WDR17: variants seen among roughly 807,000 people sequenced by gnomAD.
WDR17 encodes the protein WD repeat-containing protein 17.
In WDR17, 143 loss-of-function variants were observed where a neutral mutation model predicts 161.7. That is an observed-to-expected ratio of 0.88 (90% confidence interval 0.77 to 1.02). WDR17 has a LOEUF of 1.02. WDR17 is among the 50% of genes least tolerant of loss of function. WDR17 has a pLI of 0.00. For synonymous variants in WDR17, 517 were observed against 515.6 expected, an observed-to-expected ratio of 1.00 and a Z score of -0.04; for missense variants, 1,469 against 1,520.9, an observed-to-expected ratio of 0.97 and a Z score of 0.57.
intron 11 of WDR17, 122 bp downstream of exon 11, chr4:176,142,191 G>A (rs995911282): frequency 3.5e-5 from 21 of 608,280 alleles, no homozygotes; most frequent in Non-Finnish European, 4.8e-5. Context: ...TATCCCCTTT[G>A]CCTAGCAAAT....
At chr4:176,100,472 A>G (rs1298954604) in intron 1 of WDR17, among the ~76,000 whole-genome samples, 1 of 152,014 alleles carries the variant, frequency 6.6e-6, no homozygotes, top group East Asian at 1.9e-4. Context: ...TTCTTTGTAT[A>G]TTCTGGATAT....
intron 18 of WDR17, among the ~76,000 whole-genome samples, chr4:176,156,710 T>C (rs988768460): frequency 1.3e-5 from 2 of 150,434 alleles, no homozygotes; most frequent in Non-Finnish European, 3.0e-5. Flanking sequence ...ATAAAATGGG[T>C]GGCCTAAAAC....
At chr4:176,149,980 G>C (rs760403691) in intron 14 of WDR17, 24 bp downstream of exon 14, 24 of 1,610,102 alleles carry the variant, frequency 1.5e-5, no homozygotes, top group South Asian at 2.2e-5. Flanking sequence ...ACATGTATTA[G>C]AGTTTATTTC....
At chr4:176,145,619 C>T (rs1022397790) in intron 11 of WDR17, among the ~76,000 whole-genome samples, 3 of 152,188 alleles carry the variant, frequency 2.0e-5, no homozygotes, top group East Asian at 3.8e-4. Context: ...TGTCATCACT[C>T]ACCATTTGGG....
chr4:176,158,663 GT>G (rs1748536387), intron 18 of WDR17, among the ~76,000 whole-genome samples: 1 of 152,210 alleles, frequency 6.6e-6, no homozygotes, highest in Non-Finnish European at 1.5e-5. Context: ...AGCTGTTTTG[GT>G]AGAAAGAAGG....
Position 176,111,667 on chromosome 4 carries a change from T to C in WDR17, c.87T>C (p.Phe29=). The C allele has an allele frequency of 1.2e-6, 2 of 1,609,344 alleles. No individual in the cohort carries two copies. The highest frequency in any genetic ancestry group is 1.7e-6 in the Non-Finnish European group (2 of 1,177,012). The change falls in exon 2 of 29, where the codon TTT becomes TTC. Residue 29 remains phenylalanine (F), a synonymous_variant. Coordinates refer to ENST00000508596, the MANE Select transcript of WDR17 (RefSeq NM_181265.4). ...KDVCAASGDR[F]AYCATLAIYI... is the part of the protein sequence containing the mutation. ...TATGTGCTGCCAGTGGAGACAGGTT[T>C]GCATATTGTGCGACCCTGGCTATCT... is the stretch of plus-strand genomic sequence containing the variant.
intron 1 of WDR17, among the ~76,000 whole-genome samples, chr4:176,097,489 CT>C (rs991185451): frequency 6.6e-5 from 10 of 151,572 alleles, no homozygotes; most frequent in Middle Eastern, 6.8e-3. Context: ...GCCTTTTGGA[CT>C]TTTTTTTCAG....
At chr4:176,117,823 AT>A (rs1740882326) in intron 3 of WDR17, among the ~76,000 whole-genome samples, 1 of 152,106 alleles carries the variant, frequency 6.6e-6, no homozygotes. Context: ...AAGCTTTGCT[AT>A]TTTATTTGCA....
chr4:176,149,757 A>G (rs767369555), intron 13 of WDR17, 50 bp from the exon 14 acceptor site: 1 of 1,594,854 alleles, frequency 6.3e-7, no homozygotes, highest in Non-Finnish European at 8.5e-7. Context: ...ATAAATAAAA[A>G]ATATTTTTCA....
intron 1 of WDR17, among the ~76,000 whole-genome samples, chr4:176,076,376 T>TC (rs886600426): frequency 1.7e-4 from 2 of 11,896 alleles, no homozygotes; most frequent in Non-Finnish European, 7.8e-3. Context: ...TTAGAGTCTT[T>TC]TTTTAACCCA....
At position 176,151,995 on chromosome 4, in the gene WDR17, G is replaced by C. The variant is rs373785153; in HGVS notation, c.2460+28G>C. 9 of 1,599,908 alleles carry C rather than the reference G, an allele frequency of 5.6e-6. No individual in the cohort carries two copies. The East Asian group carries it at 2.0e-4, about 36-fold the overall frequency. The stretch of plus-strand genomic sequence containing the variant: ...AATGTGCTATGAAAGTAAAACTAAT[G>C]AGTTTAACATAGTAGTCTAAACGTT... On this transcript the variant is annotated intron_variant, in intron 17 of 28. Coordinates refer to ENST00000508596, the MANE Select transcript of WDR17 (RefSeq NM_181265.4).
At chr4:176,165,631 G>A (rs1305681115) in intron 22 of WDR17, among the ~76,000 whole-genome samples, 1 of 152,116 alleles carries the variant, frequency 6.6e-6, no homozygotes, top group Non-Finnish European at 1.5e-5. Flanking sequence ...AATAGAAAAT[G>A]TTATTAAGAA....
chr4:176,101,146 T>G (rs1486418310), intron 1 of WDR17, among the ~76,000 whole-genome samples: 3 of 152,126 alleles, frequency 2.0e-5, no homozygotes, highest in Non-Finnish European at 4.4e-5. Flanking sequence ...AACCTATTTG[T>G]CCAGAGCGTA....
chr4:176,151,802 T>C lies in WDR17; in HGVS notation c.2305-10T>C, dbSNP rs759592301. 7.7e-6 allele frequency: 12 copies of C among 1,549,472 alleles called. No individual in the cohort carries two copies. Among genetic ancestry groups the C allele is most frequent in the Non-Finnish European group, 1.0e-5 (12 of 1,153,822 alleles). ...AATTTTTTTAAATTCTATTTTCTTT[T>C]TAAAACCAGTCTGAAGCTCAAGAAC... is the stretch of plus-strand genomic sequence containing the variant. On this transcript the variant is annotated splice_polypyrimidine_tract_variant and intron_variant, in intron 16 of 28. Transcript: ENST00000508596.
At chr4:176,104,457 T>G (rs1400652400) in intron 1 of WDR17, among the ~76,000 whole-genome samples, 2 of 152,078 alleles carry the variant, frequency 1.3e-5, no homozygotes, top group Non-Finnish European at 2.9e-5. Context: ...ACAAGTAGTA[T>G]TATTGTAACT....
At chr4:176,175,418 A>G (rs1322345465) in intron 26 of WDR17, among the ~76,000 whole-genome samples, 1 of 152,226 alleles carries the variant, frequency 6.6e-6, no homozygotes, top group Non-Finnish European at 1.5e-5. Context: ...TTCTTATACT[A>G]TAAAATAAAA....
chr4:176,172,946 C>T (rs950457760), intron 24 of WDR17, among the ~76,000 whole-genome samples: 15 of 152,126 alleles, frequency 9.9e-5, no homozygotes, highest in African/African-American at 3.6e-4. Context: ...AAACACCTCC[C>T]TACTCCAACA....
In WDR17 at chr4:176,103,442, A is replaced by C. The variant is rs1008678250; in HGVS notation, c.-6-8133A>C. 3.3e-5 allele frequency among the ~76,000 whole-genome samples: 5 copies of C among 152,244 alleles called. No homozygotes were observed. The East Asian group carries it at 7.7e-4, about 23-fold the overall frequency. On this transcript the variant is annotated intron_variant, in intron 1 of 28. Transcript: ENST00000508596. ...AAAATTATGTTTCTTTCAGTGGAAA[A>C]AAAAATAAACAGATGCTTTCTGAAA...
Position 176,148,134 on chromosome 4 carries a change from A to G in WDR17, c.1696A>G (p.Thr566Ala), listed in dbSNP as rs143922050. The G allele has an allele frequency of 1.8e-3, 2,884 of 1,613,624 alleles. 3 individuals carry two copies. The highest frequency in any genetic ancestry group is 2.3e-3 in the Non-Finnish European group (2,761 of 1,179,732). ...GILCSGSDDG[T>A]VRIWDYTQDA... ...ACACCCATAATATTCTGTTTTCAGT[A>G]CCGTTCGAATCTGGGATTATACTCA... is the stretch of plus-strand genomic sequence containing the variant. Residue 566 changes from threonine to alanine, a missense_variant and splice_region_variant, in exon 13 of 29, where the codon ACC (threonine) becomes GCC (alanine). By Grantham distance (58) the Thr-to-Ala change is moderately conservative. Transcript: ENST00000508596.
Sources: gnomAD v4.1 joint callset for allele counts (sites outside exome capture counted in the v4.1 genomes callset) on GRCh38, gnomAD v4.1.1 for gene constraint, MANE v1.5 for transcripts, NCBI Gene and HGNC (gene_info 2026-07-23, HGNC 2026-07-21) for gene names.